DPYS: variants seen among roughly 807,000 people sequenced by gnomAD.
DPYS encodes dihydropyrimidine amidohydrolase.
In DPYS, 39 loss-of-function variants were observed where a neutral mutation model predicts 50.3. The ratio of observed to expected loss-of-function variants is 0.78; its 90% CI spans 0.60 to 1.01. The LOEUF is 1.01. DPYS is among the 50% of genes least tolerant of loss of function. The pLI is 0.00. For missense variants in DPYS, 659 were observed against 680.9 expected, an observed-to-expected ratio of 0.97 and a Z score of 0.36; for synonymous variants, 245 against 250.7, an observed-to-expected ratio of 0.98 and a Z score of 0.22.
chr8:104,396,825 C>CAAA (rs5893686), intron 7 of DPYS, among the ~76,000 whole-genome samples: 8 of 131,612 alleles, frequency 6.1e-5, no homozygotes, highest in East Asian at 2.2e-4. Context: ...TGCCTCATAC[C>CAAA]AAAAAAAAAA....
chr8:104,395,071 C>G (rs1199434738), intron 7 of DPYS, among the ~76,000 whole-genome samples: 3 of 151,982 alleles, frequency 2.0e-5, no homozygotes, highest in South Asian at 2.1e-4. Context: ...CCATAGCTCA[C>G]TGCAATCTCT....
intron 7 of DPYS, among the ~76,000 whole-genome samples, chr8:104,414,918 ACTGT>A (rs1427836901): frequency 4.6e-5 from 7 of 152,218 alleles, no homozygotes; most frequent in Non-Finnish European, 1.0e-4. Flanking sequence ...CTAACTAGCC[ACTGT>A]CTCTGGAATG....
rs138910625 is a variant in DPYS at position 104,427,616 on chromosome 8, A to G, written c.1092+364T>C. ...TTTTATCATTTCAAGCATTCGTGCC[A>G]ATGACACATGACGCACTGGAATTCA... On this transcript the variant is annotated intron_variant, in intron 6 of 9. Transcript: ENST00000351513. 1.3e-3 allele frequency among the ~76,000 whole-genome samples: 191 copies of G among 152,084 alleles called. 5 individuals carry two copies. The East Asian group carries it at 0.027, about 21-fold the overall frequency.
chr8:104,448,961 G>C (rs1330763624), intron 2 of DPYS, among the ~76,000 whole-genome samples: 1 of 152,170 alleles, frequency 6.6e-6, no homozygotes, highest in African/African-American at 2.4e-5. Flanking sequence ...CATGAGAGAA[G>C]GGGCCTTGTA....
chr8:104,460,596 A>G (rs1343241585), intron 1 of DPYS, among the ~76,000 whole-genome samples: 2 of 152,190 alleles, frequency 1.3e-5, no homozygotes, highest in African/African-American at 4.8e-5. Context: ...CAGGCCAGAC[A>G]TGTGAGAGAG....
At position 104,429,461 on chromosome 8, in the gene DPYS, G is replaced by A. The variant is rs879086753; in HGVS notation, c.950+84C>T. ...AGAAGAGAATACTGGGAGGTTAGTGGAGGATCCAGATGGGAGGACGAGCTC... is the reference window on the plus strand; with the variant it reads ...AGAAGAGAATACTGGGAGGTTAGTGAAGGATCCAGATGGGAGGACGAGCTC... On this transcript the variant is annotated intron_variant, in intron 5 of 9. Coordinates refer to ENST00000351513, the MANE Select transcript of DPYS (RefSeq NM_001385.3). 1.5e-5 allele frequency: 23 copies of A among 1,583,136 alleles called. No homozygotes were observed. In the South Asian group the frequency reaches 2.2e-4, roughly 15 times the overall value.
At chr8:104,422,251 TCC>T (rs1812573818) in intron 7 of DPYS, among the ~76,000 whole-genome samples, 1 of 152,256 alleles carries the variant, frequency 6.6e-6, no homozygotes, top group Non-Finnish European at 1.5e-5. Context: ...TTTCATTTTT[TCC>T]CTCACCTTTG....
intron 4 of DPYS, among the ~76,000 whole-genome samples, chr8:104,440,352 G>T (rs1394300568): frequency 2.0e-5 from 3 of 152,114 alleles, no homozygotes; most frequent in East Asian, 1.9e-4. Context: ...AATCACCTGG[G>T]ATTCTAGTTA....
intron 5 of DPYS, among the ~76,000 whole-genome samples, chr8:104,428,639 T>A (rs1170298663): frequency 6.6e-6 from 1 of 152,162 alleles, no homozygotes; most frequent in Non-Finnish European, 1.5e-5. Context: ...GATGCTGATA[T>A]TACCAGGGAC....
intron 4 of DPYS, among the ~76,000 whole-genome samples, chr8:104,437,100 G>A (rs1217781156): frequency 6.6e-6 from 1 of 152,112 alleles, no homozygotes; most frequent in East Asian, 1.9e-4. Flanking sequence ...TAAAAGACAT[G>A]GAGGATTATG....
At chr8:104,445,533 G>A (rs2333870) in intron 3 of DPYS, among the ~76,000 whole-genome samples, 3 of 152,098 alleles carry the variant, frequency 2.0e-5, no homozygotes, top group Admixed American at 2.0e-4. Context: ...GACAAACATT[G>A]CATGTTCTCA....
chr8:104,461,669 T>A (rs967523705), intron 1 of DPYS, among the ~76,000 whole-genome samples: 4 of 151,834 alleles, frequency 2.6e-5, no homozygotes, highest in African/African-American at 9.7e-5. Flanking sequence ...GAAGGAGAGG[T>A]CACATTTGGT....
At chr8:104,423,997 T>G (rs1812636602) in intron 7 of DPYS, 1 of 985,318 alleles carries the variant, frequency 1.0e-6, no homozygotes, top group South Asian at 4.7e-5. Flanking sequence ...AAGTGGTAAA[T>G]TCATATTGGT....
intron 8 of DPYS, 59 bp from the exon 9 acceptor site, chr8:104,381,373 T>C: frequency 2.1e-6 from 3 of 1,449,542 alleles, no homozygotes; most frequent in East Asian, 2.3e-5. Context: ...CAAAGTTAAG[T>C]GTAGCTCCCT....
At chr8:104,463,632 T>A (rs1010425108) in intron 1 of DPYS, among the ~76,000 whole-genome samples, 1 of 152,190 alleles carries the variant, frequency 6.6e-6, no homozygotes, top group African/African-American at 2.4e-5. Flanking sequence ...GACAATGGCA[T>A]CTGGGATTTT....
chr8:104,419,365 T>C (rs1479191010), intron 7 of DPYS: 1 of 152,322 alleles, frequency 6.6e-6, no homozygotes, highest in Non-Finnish European at 1.5e-5. Flanking sequence ...ATTGTGCTTC[T>C]TCTCTATGCT....
At chr8:104,428,914 T>C (rs1184212748) in intron 5 of DPYS, among the ~76,000 whole-genome samples, 1 of 151,816 alleles carries the variant, frequency 6.6e-6, no homozygotes, top group East Asian at 1.9e-4. Flanking sequence ...CACTGCAACC[T>C]CTGCCTCCTG....
Position 104,451,465 on chromosome 8 carries a change from A to G in DPYS, c.265-61T>C. 6 of 1,603,530 alleles carry G rather than the reference A, an allele frequency of 3.7e-6. No homozygotes were observed. The Admixed American group carries it at 8.4e-5, about 22-fold the overall frequency. On this transcript the variant is annotated intron_variant, in intron 1 of 9. Coordinates refer to ENST00000351513, the MANE Select transcript of DPYS (RefSeq NM_001385.3). ...CAATTTCCTAGTTAAGTCATTTATC[A>G]TCTTGAACAATGTGCATTTGTAAGC...
intron 7 of DPYS, among the ~76,000 whole-genome samples, chr8:104,418,262 T>C (rs1372871270): frequency 6.6e-6 from 1 of 152,148 alleles, no homozygotes; most frequent in African/African-American, 2.4e-5. Context: ...TGTTAGATAC[T>C]AACAAGACGG....
Sources: allele counts gnomAD v4.1 joint callset (sites outside exome capture counted in the v4.1 genomes callset), GRCh38; gene constraint gnomAD v4.1.1; transcripts MANE v1.5; gene names NCBI Gene and HGNC (gene_info 2026-07-23, HGNC 2026-07-21).